NDUFA9: variants seen among roughly 807,000 people sequenced by gnomAD.
NDUFA9 encodes NADH:ubiquinone oxidoreductase subunit A9, also known as NADH dehydrogenase [ubiquinone] 1 alpha subcomplex subunit 9, mitochondrial.
In NDUFA9, 23 loss-of-function variants were observed where a neutral mutation model predicts 45.9. The observed-to-expected ratio is 0.50, with a 90% CI of 0.36 to 0.71. NDUFA9 has a LOEUF of 0.71. Ranked by LOEUF, NDUFA9 falls within the 30% of genes least tolerant of loss-of-function variation. The pLI is 0.00. For synonymous variants in NDUFA9, 176 were observed against 170.5 expected (o/e 1.03, Z -0.25); for missense variants, 466 against 488.2 (o/e 0.95, Z 0.43).
rs1048826171 is a variant in NDUFA9, at chr12:4,692,209, T to C, written c.*5101T>C. ...TGCAATGTAATCTCCAGTGTTGGAG[T>C]TGGGGCCTAGTGGGAGGCGATTAGA... On this transcript the variant is annotated 3_prime_UTR_variant, in exon 11 of 11. Transcript: ENST00000266544. 6.6e-6 allele frequency: 1 copy of C among 152,104 alleles called. No homozygotes were observed. The highest frequency in any genetic ancestry group is 1.5e-5 in the Non-Finnish European group (1 of 68,026). The allele number at this position is 152,104 out of a possible 1,614,324, so 9.4% of individuals were successfully genotyped here.
chr12:4,661,599 A>G (rs184964180), intron 5 of NDUFA9, among the ~76,000 whole-genome samples: 1 of 151,900 alleles, frequency 6.6e-6, no homozygotes, highest in East Asian at 1.9e-4. Context: ...GTAGTTTACA[A>G]TATTGGCAAG....
At chr12:4,657,592 C>A in intron 3 of NDUFA9, 156 bp from the exon 4 acceptor site, 1 of 610,400 alleles carries the variant, frequency 1.6e-6, no homozygotes, top group Non-Finnish European at 2.9e-6. Flanking sequence ...TCTGAGATGT[C>A]ATTTCTGTTG....
rs1945998777 is a variant in NDUFA9, at chr12:4,688,144, C to T, written c.*1036C>T. 6.6e-6 allele frequency: 1 copy of T among 152,170 alleles called. No individual in the cohort carries two copies. The highest frequency in any genetic ancestry group is 1.5e-5 in the Non-Finnish European group (1 of 68,082). 9.4% of individuals were successfully genotyped at this position (152,170 alleles called of 1,614,324 possible). On this transcript the variant is annotated 3_prime_UTR_variant, in exon 11 of 11. Transcript: ENST00000266544. ...AACAGTGAGCTACTCCAAGTGTGGTCCATAGATCACCAGCATTGGGATCAT... is the reference window on the plus strand; with the variant it reads ...AACAGTGAGCTACTCCAAGTGTGGTTCATAGATCACCAGCATTGGGATCAT...
chr12:4,671,750 AATAAATCTTTAT>A (rs1461618372), intron 8 of NDUFA9, among the ~76,000 whole-genome samples: 2 of 152,232 alleles, frequency 1.3e-5, no homozygotes, highest in Non-Finnish European at 2.9e-5. Context: ...ATAGTTCAGA[AATAAATCTTTAT>A]GGACAATTGA....
At chr12:4,656,866 G>GACTGT (rs1479346590) in intron 3 of NDUFA9, among the ~76,000 whole-genome samples, 1 of 152,202 alleles carries the variant, frequency 6.6e-6, no homozygotes. Context: ...CCACTGTTTA[G>GACTGT]ACTGTGTCTT....
chr12:4,649,684 G>C (rs551606647), intron 1 of NDUFA9, among the ~76,000 whole-genome samples: 1 of 152,280 alleles, frequency 6.6e-6, no homozygotes, highest in South Asian at 2.1e-4. Context: ...ATTTGTAAAA[G>C]CATCCTTTTA....
chr12:4,674,615 G>C (rs1260468849), intron 8 of NDUFA9, among the ~76,000 whole-genome samples: 1 of 152,172 alleles, frequency 6.6e-6, no homozygotes, highest in Admixed American at 6.5e-5. Flanking sequence ...AACAAGAAGA[G>C]CTAACTATCC....
In NDUFA9 at chr12:4,674,502, C is replaced by CA. The variant is rs555113222; in HGVS notation, c.800+4692dup. 1.9e-3 allele frequency among the ~76,000 whole-genome samples: 284 copies of CA among 151,626 alleles called. 3 individuals carry two copies. In the South Asian group the frequency reaches 0.024, roughly 13 times the overall value. ...GAATATTTACCAAGCAAATGGAAAG[C>CA]AAAAAAAGGCAGGAGTTGCAATCCT... On this transcript the variant is annotated intron_variant, in intron 8 of 10. Transcript: ENST00000266544.
intron 8 of NDUFA9, among the ~76,000 whole-genome samples, chr12:4,671,784 G>T (rs1450124991): frequency 6.6e-6 from 1 of 152,028 alleles, no homozygotes; most frequent in East Asian, 1.9e-4. Context: ...TTTTGAAAAA[G>T]GTGCTATGGC....
intron 6 of NDUFA9, among the ~76,000 whole-genome samples, chr12:4,664,044 A>C (rs1200613888): frequency 6.6e-6 from 1 of 152,214 alleles, no homozygotes; most frequent in Non-Finnish European, 1.5e-5. Flanking sequence ...CTAAGTACAA[A>C]GTATTGAAGA....
At chr12:4,678,480 GT>G (rs1945933915) in intron 8 of NDUFA9, among the ~76,000 whole-genome samples, 1 of 152,000 alleles carries the variant, frequency 6.6e-6, no homozygotes, top group Non-Finnish European at 1.5e-5. Flanking sequence ...AAGCTCTTGT[GT>G]TTCAAAAGAC....
rs769631670 is a variant in NDUFA9, at chr12:4,685,305, AC to A, written c.944del (p.Thr315LysfsTer13). ...FEISPFEPWI[T>X]RDKVERMHIT... ...AATAAGCCCATTTGAGCCCTGGATA[AC>A]AAGGGATAAAGTGGAGCGGGTGAGT... is the stretch of plus-strand genomic sequence containing the variant. On this transcript the variant is annotated frameshift_variant, in exon 10 of 11. Coordinates refer to ENST00000266544, the MANE Select transcript of NDUFA9 (RefSeq NM_005002.5). LOFTEE classifies it high-confidence loss of function. 1 of 1,614,100 alleles carries A rather than the reference AC, an allele frequency of 6.2e-7. No homozygotes were observed. Among genetic ancestry groups the A allele is most frequent in the Non-Finnish European group, 8.5e-7 (1 of 1,179,934 alleles).
chr12:4,653,639 C>T (rs1240425394), intron 1 of NDUFA9: 3 of 450,738 alleles, frequency 6.7e-6, no homozygotes, highest in Non-Finnish European at 1.3e-5. Context: ...GCACTTCACT[C>T]CTTTTATCAT....
At chr12:4,682,139 T>C in intron 8 of NDUFA9, 66 bp from the exon 9 acceptor site, 3 of 1,228,316 alleles carry the variant, frequency 2.4e-6, no homozygotes, top group Non-Finnish European at 2.3e-6. Flanking sequence ...GAAAATGTTA[T>C]TTTGTTATAA....
intron 7 of NDUFA9, 91 bp downstream of exon 7, chr12:4,668,615 C>T: frequency 1.7e-6 from 2 of 1,186,790 alleles, no homozygotes; most frequent in Non-Finnish European, 2.5e-6. Flanking sequence ...AATTTAGTAA[C>T]TCTGTCATTT....
At chr12:4,659,266 A>G in intron 5 of NDUFA9, 89 bp downstream of exon 5, 3 of 1,206,446 alleles carry the variant, frequency 2.5e-6, no homozygotes, top group East Asian at 4.8e-5. Flanking sequence ...AGGGTTTATC[A>G]CAGACATATG....
At chr12:4,649,804 G>A (rs907275272) in intron 1 of NDUFA9, among the ~76,000 whole-genome samples, 1 of 152,188 alleles carries the variant, frequency 6.6e-6, no homozygotes, top group Admixed American at 6.5e-5. Context: ...GGAAAGGAAA[G>A]TGAAGAATGA....
chr12:4,666,522 T>C (rs758442991), intron 6 of NDUFA9, among the ~76,000 whole-genome samples: 4 of 152,234 alleles, frequency 2.6e-5, no homozygotes, highest in Admixed American at 6.5e-5. Context: ...GTTTTAGCTC[T>C]TAGGTTTAGG....
At chr12:4,683,863 A>C (rs189384453) in intron 9 of NDUFA9, among the ~76,000 whole-genome samples, 84 of 152,342 alleles carry the variant, frequency 5.5e-4, no homozygotes, top group Non-Finnish European at 1.1e-3. Flanking sequence ...CCTGGTACAC[A>C]TTAGGCACTC....
Sources: gnomAD v4.1 joint callset for allele counts (sites outside exome capture counted in the v4.1 genomes callset) on GRCh38, gnomAD v4.1.1 for gene constraint, MANE v1.5 for transcripts, NCBI Gene and HGNC (gene_info 2026-07-23, HGNC 2026-07-21) for gene names.